The following CSMD1 variants were observed in gnomAD, a reference collection of about 807,000 sequenced individuals.
CSMD1 encodes CUB and sushi domain-containing protein 1.
Under a neutral mutation model 417.5 loss-of-function variants are expected in CSMD1, and 213 were observed. That is an observed-to-expected ratio of 0.51 (90% confidence interval 0.46 to 0.57). CSMD1 has a LOEUF of 0.57. Among genes scored for constraint, CSMD1 ranks in the 20% least tolerant of loss-of-function variants. The pLI is 0.00. For missense variants in CSMD1, 6,923 were observed against 4,529.7 expected, an observed-to-expected ratio of 1.53 and a Z score of -15.17; for synonymous variants, 2,862 against 1,736.8, an observed-to-expected ratio of 1.65 and a Z score of -16.11.
At chr8:4,173,346 C>T (rs77416084) in intron 3 of CSMD1, among the ~76,000 whole-genome samples, 3,576 of 152,166 alleles carry the variant, frequency 0.024, 64 homozygotes, top group Non-Finnish European at 0.034. Context: ...ACCAGATATT[C>T]AGTATGTGGT....
intron 3 of CSMD1, among the ~76,000 whole-genome samples, chr8:4,349,071 C>G (rs959178526): frequency 2.0e-5 from 3 of 152,176 alleles, no homozygotes; most frequent in Non-Finnish European, 4.4e-5. Context: ...ATTAACATGA[C>G]TCATGAAATG....
intron 8 of CSMD1, among the ~76,000 whole-genome samples, chr8:3,608,109 G>A (rs1842727): frequency 2.7e-5 from 4 of 150,850 alleles, no homozygotes; most frequent in African/African-American, 9.8e-5. Flanking sequence ...GAGGTGGAGA[G>A]GTTGCAGTGA....
Position 3,505,178 on chromosome 8 carries a change from A to T in CSMD1, c.1345-11452T>A, listed in dbSNP as rs530907192. 1.5e-4 allele frequency among the ~76,000 whole-genome samples: 23 copies of T among 152,338 alleles called. No homozygotes were observed. The South Asian group carries it at 4.6e-3, about 30-fold the overall frequency. ...ATGTATGAAAGAGGGTAGAGTAAGT[A>T]TTAAAAAATGAGAGACTGGGAATGT... On this transcript the variant is annotated intron_variant, in intron 10 of 69. Transcript: ENST00000635120.
chr8:3,943,917 T>G (rs1370750889), intron 5 of CSMD1, among the ~76,000 whole-genome samples: 3 of 152,120 alleles, frequency 2.0e-5, no homozygotes, highest in Admixed American at 6.6e-5. Context: ...AATTAGGTTC[T>G]GAGCCAGAAA....
chr8:2,944,278 G>C (rs1193876738), intron 68 of CSMD1, among the ~76,000 whole-genome samples: 1 of 152,158 alleles, frequency 6.6e-6, no homozygotes, highest in Non-Finnish European at 1.5e-5. Context: ...TTCTGAGATG[G>C]TTTAAAATTT....
Position 3,725,024 on chromosome 8 carries a change from G to A in CSMD1, c.932-16533C>T, listed in dbSNP as rs564768863. ...TATACAGCTATAAACGTTATTCTGG[G>A]AAGAGGCCCATTAACCTCTCCAGAC... On this transcript the variant is annotated intron_variant, in intron 6 of 69. Transcript: ENST00000635120. Among the ~76,000 whole-genome samples the A allele has an allele frequency of 9.3e-4, 141 of 152,282 alleles. 1 individual carries two copies. The highest frequency in any genetic ancestry group is 3.3e-3 in the African/African-American group (137 of 41,554).
At chr8:3,464,569 A>C (rs938770426) in intron 12 of CSMD1, among the ~76,000 whole-genome samples, 1 of 150,116 alleles carries the variant, frequency 6.7e-6, no homozygotes, top group Non-Finnish European at 1.5e-5. Context: ...TATTATAAAT[A>C]TGATTTATAA....
At chr8:3,576,261 C>T (rs933490126) in intron 9 of CSMD1, among the ~76,000 whole-genome samples, 3 of 116,974 alleles carry the variant, frequency 2.6e-5, no homozygotes, top group Non-Finnish European at 5.2e-5. Flanking sequence ...CTCTTCCATG[C>T]ATGTCAAAAT....
chr8:4,983,448 C>CA (rs1190555527), intron 1 of CSMD1, among the ~76,000 whole-genome samples: 2 of 152,218 alleles, frequency 1.3e-5, no homozygotes, highest in African/African-American at 4.8e-5. Flanking sequence ...GAGTGCCCTT[C>CA]AGTTCTCCAG....
At chr8:4,035,574 G>C (rs979340031) in intron 3 of CSMD1, among the ~76,000 whole-genome samples, 2 of 152,110 alleles carry the variant, frequency 1.3e-5, no homozygotes, top group African/African-American at 4.8e-5. Flanking sequence ...AGGCTAGGGT[G>C]TGTGTTTGAG....
chr8:4,255,223 G>C (rs1278410607), intron 3 of CSMD1, among the ~76,000 whole-genome samples: 1 of 152,274 alleles, frequency 6.6e-6, no homozygotes, highest in African/African-American at 2.4e-5. Flanking sequence ...AGCGCATGCA[G>C]TCCCTATGGA....
intron 2 of CSMD1, among the ~76,000 whole-genome samples, chr8:4,564,609 C>G (rs1044525130): frequency 6.6e-6 from 1 of 152,124 alleles, no homozygotes; most frequent in South Asian, 2.1e-4. Flanking sequence ...ATCCAGGTAA[C>G]AGTTAAGTTT....
intron 33 of CSMD1, among the ~76,000 whole-genome samples, chr8:3,194,656 G>C (rs1184484240): frequency 6.7e-6 from 1 of 150,132 alleles, no homozygotes; most frequent in African/African-American, 2.5e-5. Context: ...TTTTAGTAGA[G>C]ATGGGATTTC....
chr8:3,037,472 C>T (rs1467659070), intron 50 of CSMD1, among the ~76,000 whole-genome samples: 2 of 152,032 alleles, frequency 1.3e-5, no homozygotes, highest in African/African-American at 4.8e-5. Context: ...CCTCCCTATA[C>T]CGCACTTTCT....
At chr8:4,681,645 G>T (rs553288099) in intron 1 of CSMD1, among the ~76,000 whole-genome samples, 1 of 152,042 alleles carries the variant, frequency 6.6e-6, no homozygotes, top group Non-Finnish European at 1.5e-5. Flanking sequence ...TTGGTTGCTG[G>T]CACGTCAATC....
chr8:4,461,896 A>T (rs888017277), intron 2 of CSMD1, among the ~76,000 whole-genome samples: 4 of 151,434 alleles, frequency 2.6e-5, no homozygotes, highest in Non-Finnish European at 4.4e-5. Context: ...GCCCGCCACC[A>T]CGCCCGGCTA....
intron 5 of CSMD1, among the ~76,000 whole-genome samples, chr8:3,984,561 T>C (rs1814161393): frequency 6.6e-6 from 1 of 151,496 alleles, no homozygotes; most frequent in Non-Finnish European, 1.5e-5. Flanking sequence ...TTAAAAAATA[T>C]ATATATAGCC....
At position 4,101,778 on chromosome 8, in the gene CSMD1, C is replaced by T. The variant is rs561259247; in HGVS notation, c.416-69679G>A. 2.0e-5 allele frequency among the ~76,000 whole-genome samples: 3 copies of T among 152,302 alleles called. No homozygotes were observed. In the East Asian group the frequency reaches 5.8e-4, roughly 29 times the overall value. On this transcript the variant is annotated intron_variant, in intron 3 of 69. Coordinates refer to ENST00000635120, the MANE Select transcript of CSMD1 (RefSeq NM_033225.6). ...AAGCTTTTGCTTAGGACAGCAAATG[C>T]TGGGTACAGAAGTCTGTGAGTTCAA...
intron 3 of CSMD1, among the ~76,000 whole-genome samples, chr8:4,271,382 T>A (rs552917141): frequency 3.3e-5 from 5 of 152,086 alleles, no homozygotes; most frequent in South Asian, 4.2e-4. Context: ...TAAATAAAAG[T>A]TTAAAAAATA....
Sources: gnomAD v4.1 joint callset for allele counts (sites outside exome capture counted in the v4.1 genomes callset) on GRCh38, gnomAD v4.1.1 for gene constraint, MANE v1.5 for transcripts, NCBI Gene and HGNC (gene_info 2026-07-23, HGNC 2026-07-21) for gene names.